Variants in CNTN4 observed in about 807,000 individuals in gnomAD.
CNTN4 encodes the protein contactin-4.
CNTN4 carries 77 observed loss-of-function variants against 122.5 expected under a neutral mutation model. The observed-to-expected ratio is 0.63, with a 90% CI of 0.52 to 0.76. CNTN4 has a LOEUF of 0.76. Ranked by LOEUF, CNTN4 falls within the 30% of genes least tolerant of loss-of-function variation. The probability of loss-of-function intolerance (pLI) is 0.00; values close to 1 mark genes in which losing one functional copy is unlikely to be tolerated. For synonymous variants in CNTN4, 512 were observed against 447.0 expected (o/e 1.15, Z -1.83); for missense variants, 1,256 against 1,259.1 (o/e 1.00, Z 0.04).
rs558318326 is a variant in CNTN4 at position 2,600,833 on chromosome 3, C to T, written c.55+29275C>T. Among the ~76,000 whole-genome samples the T allele has an allele frequency of 6.3e-4, 96 of 152,282 alleles. 1 individual carries two copies. Among genetic ancestry groups the T allele is most frequent in the African/African-American group, 2.1e-3 (88 of 41,556 alleles). ...GTCCCACCAACAGTGTAAAAGTGTTCCTATTTCTCCACATCCTCTCCAGCA... is the reference window on the plus strand; with the variant it reads ...GTCCCACCAACAGTGTAAAAGTGTTTCTATTTCTCCACATCCTCTCCAGCA... On this transcript the variant is annotated intron_variant, in intron 4 of 24. Coordinates refer to ENST00000418658, the MANE Select transcript of CNTN4 (RefSeq NM_175607.3).
intron 2 of CNTN4, among the ~76,000 whole-genome samples, chr3:2,285,580 C>G (rs2041873210): frequency 1.3e-5 from 2 of 152,040 alleles, no homozygotes; most frequent in African/African-American, 4.8e-5. Context: ...TGAGAGCCTT[C>G]TCATATTAAA....
chr3:2,446,256 G>C (rs974483789), intron 3 of CNTN4, among the ~76,000 whole-genome samples: 2 of 152,144 alleles, frequency 1.3e-5, no homozygotes, highest in African/African-American at 4.8e-5. Flanking sequence ...ACCTCTTAGA[G>C]AGAACGTGGG....
At chr3:2,683,886 T>G (rs573739861) in intron 4 of CNTN4, among the ~76,000 whole-genome samples, 1 of 152,132 alleles carries the variant, frequency 6.6e-6, no homozygotes, top group Admixed American at 6.6e-5. Context: ...GGCTCTACCT[T>G]AAACCTACCA....
At chr3:2,534,699 T>C (rs962835496) in intron 3 of CNTN4, among the ~76,000 whole-genome samples, 2 of 151,534 alleles carry the variant, frequency 1.3e-5, no homozygotes, top group African/African-American at 4.8e-5. Context: ...GGATGTCCTC[T>C]GAAGTTTTAA....
chr3:2,576,470 T>C (rs2079690552), intron 4 of CNTN4, among the ~76,000 whole-genome samples: 1 of 152,204 alleles, frequency 6.6e-6, no homozygotes, highest in Non-Finnish European at 1.5e-5. Context: ...AAAATTGGTC[T>C]GTGTGCCTTG....
intron 3 of CNTN4, among the ~76,000 whole-genome samples, chr3:2,529,569 A>G (rs915201383): frequency 9.2e-5 from 14 of 152,314 alleles, no homozygotes; most frequent in African/African-American, 2.9e-4. Flanking sequence ...ATTACTTACT[A>G]TATACAAACA....
chr3:2,651,218 C>A (rs1193714093), intron 4 of CNTN4, among the ~76,000 whole-genome samples: 1 of 152,104 alleles, frequency 6.6e-6, no homozygotes, highest in East Asian at 1.9e-4. Flanking sequence ...CTCCTTTGAT[C>A]TCATCTTTTT....
chr3:2,916,055 G>T (rs73114653), intron 12 of CNTN4, among the ~76,000 whole-genome samples: 59,266 of 151,990 alleles, frequency 0.39, 11,790 homozygotes, highest in East Asian at 0.64. Flanking sequence ...TGGGTAATGG[G>T]TATCAACATT....
intron 10 of CNTN4, among the ~76,000 whole-genome samples, chr3:2,892,415 A>G (rs1334757704): frequency 1.3e-5 from 2 of 152,228 alleles, no homozygotes; most frequent in Non-Finnish European, 2.9e-5. Flanking sequence ...ATGCAAGAGA[A>G]GGTGTTCCTG....
chr3:2,778,246 A>AAATG, intron 6 of CNTN4, among the ~76,000 whole-genome samples: 1 of 137,440 alleles, frequency 7.3e-6, no homozygotes, highest in South Asian at 2.3e-4. Context: ...ATAAATAAAT[A>AAATG]AATAAATAAA....
intron 2 of CNTN4, among the ~76,000 whole-genome samples, chr3:2,280,849 A>T (rs575411242): frequency 3.9e-5 from 6 of 152,302 alleles, no homozygotes; most frequent in Admixed American, 6.5e-5. Context: ...TATGAGAATG[A>T]CACACATGGT....
In CNTN4 at chr3:2,598,942, T is replaced by C. The variant is rs556456348; in HGVS notation, c.55+27384T>C. On this transcript the variant is annotated intron_variant, in intron 4 of 24. Coordinates refer to ENST00000418658, the MANE Select transcript of CNTN4 (RefSeq NM_175607.3). Reference sequence around the variant, plus strand: ...CAAATGGGAGAAGATTGTTATTTTTTACTTTTTTAAAAATAATTTCTGATC... The same window carrying C: ...CAAATGGGAGAAGATTGTTATTTTTCACTTTTTTAAAAATAATTTCTGATC... Among the ~76,000 whole-genome samples, 36 of 152,360 alleles carry C rather than the reference T, an allele frequency of 2.4e-4. No individual in the cohort carries two copies. In the South Asian group the frequency reaches 3.3e-3, roughly 14 times the overall value.
intron 7 of CNTN4, among the ~76,000 whole-genome samples, chr3:2,856,596 TAA>T (rs1469157232): frequency 6.6e-6 from 1 of 152,300 alleles, no homozygotes; most frequent in East Asian, 1.9e-4. Flanking sequence ...GCTCTCTGCT[TAA>T]AGCCCAGATG....
At chr3:2,501,078 G>A (rs952722766) in intron 3 of CNTN4, among the ~76,000 whole-genome samples, 3 of 152,078 alleles carry the variant, frequency 2.0e-5, no homozygotes, top group African/African-American at 7.2e-5. Context: ...TGAAACTTCT[G>A]TTTGCTCCTG....
chr3:2,628,403 C>CT (rs947058292), intron 4 of CNTN4, among the ~76,000 whole-genome samples: 2 of 152,166 alleles, frequency 1.3e-5, no homozygotes, highest in Admixed American at 6.5e-5. Flanking sequence ...TAGGGATCAA[C>CT]TTTGCTGTTC....
At chr3:2,180,328 C>G (rs1294405652) in intron 2 of CNTN4, among the ~76,000 whole-genome samples, 1 of 151,940 alleles carries the variant, frequency 6.6e-6, no homozygotes, top group Non-Finnish European at 1.5e-5. Flanking sequence ...TCACAATAGT[C>G]TAGAAGGGTA....
intron 12 of CNTN4, among the ~76,000 whole-genome samples, chr3:2,911,001 C>T (rs2094293494): frequency 6.6e-6 from 1 of 152,224 alleles, no homozygotes; most frequent in Non-Finnish European, 1.5e-5. Context: ...CTCCCACTCC[C>T]CACAGCGTAG....
At chr3:2,826,990 C>T (rs2093001287) in intron 7 of CNTN4, among the ~76,000 whole-genome samples, 1 of 152,164 alleles carries the variant, frequency 6.6e-6, no homozygotes, top group Non-Finnish European at 1.5e-5. Context: ...CCCATTTTAA[C>T]CCCACTCTAA....
intron 6 of CNTN4, among the ~76,000 whole-genome samples, chr3:2,786,093 C>T (rs1559502187): frequency 6.6e-6 from 1 of 151,934 alleles, no homozygotes; most frequent in African/African-American, 2.4e-5. Flanking sequence ...CAGGGGAAGA[C>T]AACCCTTCCC....
Sources: allele counts gnomAD v4.1 joint callset (sites outside exome capture counted in the v4.1 genomes callset), GRCh38; gene constraint gnomAD v4.1.1; transcripts MANE v1.5; gene names NCBI Gene and HGNC (gene_info 2026-07-23, HGNC 2026-07-21).